Variants in OXR1 observed in about 807,000 individuals in gnomAD.
OXR1 encodes the protein oxidation resistance protein 1.
A neutral mutation model predicts 104.6 loss-of-function variants in OXR1; 41 were observed. The ratio of observed to expected loss-of-function variants is 0.39; its 90% CI spans 0.31 to 0.51. The LOEUF (loss-of-function observed/expected upper bound fraction) is 0.51, where lower values mean the gene tolerates loss of function less well. Ranked by LOEUF, OXR1 falls within the 20% of genes least tolerant of loss-of-function variation. The pLI, the probability that OXR1 is intolerant of heterozygous loss-of-function variation, is 0.77. For synonymous variants in OXR1, 348 were observed against 348.4 expected, an observed-to-expected ratio of 1.00 and a Z score of 0.01; for missense variants, 955 against 1,031.9, an observed-to-expected ratio of 0.93 and a Z score of 1.02.
chr8:106,378,533 G>T (rs1817000610), intron 2 of OXR1, among the ~76,000 whole-genome samples: 1 of 152,294 alleles, frequency 6.6e-6, no homozygotes, highest in Non-Finnish European at 1.5e-5. Context: ...TTTTGAGACG[G>T]AGTTTCACTG....
intron 7 of OXR1, among the ~76,000 whole-genome samples, chr8:106,699,170 T>A (rs1830359136): frequency 6.6e-6 from 1 of 151,728 alleles, no homozygotes; most frequent in Non-Finnish European, 1.5e-5. Flanking sequence ...AAATACAAGA[T>A]TTTTTTTTGC....
At chr8:106,479,543 A>G (rs1005006875) in intron 2 of OXR1, among the ~76,000 whole-genome samples, 3 of 151,868 alleles carry the variant, frequency 2.0e-5, no homozygotes, top group African/African-American at 4.8e-5. Context: ...CCCCACCCCA[A>G]TCCCCCTGGT....
chr8:106,530,476 A>G (rs1004501073), intron 3 of OXR1, among the ~76,000 whole-genome samples: 2 of 152,148 alleles, frequency 1.3e-5, no homozygotes, highest in African/African-American at 4.8e-5. Context: ...CTTTACATGT[A>G]AAAATACTAC....
At chr8:106,334,643 A>G (rs192568171) in intron 1 of OXR1, among the ~76,000 whole-genome samples, 4 of 152,350 alleles carry the variant, frequency 2.6e-5, no homozygotes, top group Admixed American at 2.0e-4. Context: ...TGGGGCAACC[A>G]CTAACAAAAT....
chr8:106,713,754 TA>T, intron 10 of OXR1, 68 bp from the exon 11 acceptor site: 1 of 852,120 alleles, frequency 1.2e-6, no homozygotes, highest in Non-Finnish European at 1.7e-6. Flanking sequence ...CAAGATATTT[TA>T]CAAATATAAT....
intron 1 of OXR1, among the ~76,000 whole-genome samples, chr8:106,310,379 T>C (rs1296967416): frequency 6.6e-6 from 1 of 152,176 alleles, no homozygotes; most frequent in African/African-American, 2.4e-5. Flanking sequence ...TGTTTCCTGG[T>C]TGTCTGCCCT....
intron 2 of OXR1, among the ~76,000 whole-genome samples, chr8:106,373,329 A>G (rs1816783347): frequency 6.6e-6 from 1 of 152,082 alleles, no homozygotes; most frequent in South Asian, 2.1e-4. Context: ...CTTTAAGGCT[A>G]ATTTCAATAT....
chr8:106,673,839 T>G (rs1391548308), intron 3 of OXR1, among the ~76,000 whole-genome samples: 1 of 152,140 alleles, frequency 6.6e-6, no homozygotes, highest in Non-Finnish European at 1.5e-5. Context: ...GCCTTGGCGG[T>G]TTACGTGCGG....
chr8:106,616,204 G>C (rs1270707939), intron 3 of OXR1, among the ~76,000 whole-genome samples: 3 of 147,982 alleles, frequency 2.0e-5, no homozygotes, highest in African/African-American at 7.5e-5. Context: ...ACCATGCCTG[G>C]CTAATTTTTT....
At chr8:106,728,217 GAAA>G (rs1164061309) in intron 11 of OXR1, among the ~76,000 whole-genome samples, 5 of 85,814 alleles carry the variant, frequency 5.8e-5, no homozygotes, top group African/African-American at 1.3e-4. Context: ...TTCTAAACTG[GAAA>G]AAAAAAAAAA....
At chr8:106,590,564 G>T (rs1819001924) in intron 3 of OXR1, among the ~76,000 whole-genome samples, 1 of 152,152 alleles carries the variant, frequency 6.6e-6, no homozygotes, top group African/African-American at 2.4e-5. Context: ...GGGATTACAG[G>T]CATGAGCCAC....
In OXR1 at chr8:106,270,213, G is replaced by C. The variant is rs1218144379; in HGVS notation, c.-293G>C. ...GCGCTCAGCGGCGCCGGCAGCAGCG[G>C]GGCTAGAGCTGGGCTGCGTCAGGCT... On this transcript the variant is annotated 5_prime_UTR_variant, in exon 1 of 17. Coordinates refer to ENST00000517566, the MANE Select transcript of OXR1 (RefSeq NM_001198533.2). 6.6e-6 allele frequency: 1 copy of C among 152,170 alleles called. No individual in the cohort carries two copies. The highest frequency in any genetic ancestry group is 1.5e-5 in the Non-Finnish European group (1 of 68,074). The allele number at this position is 152,170 out of a possible 1,614,324, so 9.4% of individuals were successfully genotyped here.
chr8:106,419,214 T>C (rs1818804601), intron 2 of OXR1, among the ~76,000 whole-genome samples: 1 of 152,182 alleles, frequency 6.6e-6, no homozygotes, highest in African/African-American at 2.4e-5. Context: ...CATCTTACCC[T>C]GACGAAGCAT....
intron 3 of OXR1, among the ~76,000 whole-genome samples, chr8:106,556,468 G>A (rs886158536): frequency 2.0e-5 from 3 of 152,120 alleles, no homozygotes; most frequent in Non-Finnish European, 4.4e-5. Context: ...TAAACATCAA[G>A]AAGTAGAGAA....
At chr8:106,350,004 A>G (rs1272811687) in intron 1 of OXR1, among the ~76,000 whole-genome samples, 1 of 152,176 alleles carries the variant, frequency 6.6e-6, no homozygotes, top group Non-Finnish European at 1.5e-5. Flanking sequence ...CTGTGGGTAT[A>G]GGGTAATAGT....
intron 2 of OXR1, among the ~76,000 whole-genome samples, chr8:106,381,740 G>T (rs931783159): frequency 6.6e-6 from 1 of 152,110 alleles, no homozygotes; most frequent in Non-Finnish European, 1.5e-5. Flanking sequence ...ATGAAGAAAT[G>T]TTCCTTATTA....
chr8:106,583,649 C>T (rs1000127269), intron 3 of OXR1, among the ~76,000 whole-genome samples: 5 of 152,100 alleles, frequency 3.3e-5, no homozygotes, highest in African/African-American at 7.2e-5. Flanking sequence ...ATTTAGCAGA[C>T]CCAAGAAAGC....
chr8:106,618,460 T>A (rs1326416507), intron 3 of OXR1, among the ~76,000 whole-genome samples: 4 of 152,238 alleles, frequency 2.6e-5, no homozygotes, highest in Non-Finnish European at 5.9e-5. Context: ...TCTCTATGAT[T>A]TGCTGTAGAT....
intron 7 of OXR1, among the ~76,000 whole-genome samples, chr8:106,696,835 C>G (rs1213536040): frequency 6.6e-6 from 1 of 152,212 alleles, no homozygotes; most frequent in East Asian, 1.9e-4. Context: ...CACCCCACCC[C>G]TTAGCCACAG....
Sources: allele counts gnomAD v4.1 joint callset (sites outside exome capture counted in the v4.1 genomes callset), GRCh38; gene constraint gnomAD v4.1.1; transcripts MANE v1.5; gene names NCBI Gene and HGNC (gene_info 2026-07-23, HGNC 2026-07-21).